Variants in GRIA1 observed in about 807,000 individuals in gnomAD.
GRIA1 encodes glutamate ionotropic receptor AMPA type subunit 1, also known as glutamate receptor 1.
Under a neutral mutation model 99.2 loss-of-function variants are expected in GRIA1, and 31 were observed. That is an observed-to-expected ratio of 0.31 (90% CI 0.23 to 0.42). The LOEUF is 0.42. Ranked by LOEUF, GRIA1 falls within the 10% of genes least tolerant of loss-of-function variation. GRIA1 has a pLI of 1.00. For synonymous variants in GRIA1, 438 were observed against 432.4 expected (o/e 1.01, Z -0.16); for missense variants, 782 against 1,157.5 (o/e 0.68, Z 4.71).
At chr5:153,705,633 G>A (rs1025926103) in intron 10 of GRIA1, 64 bp from the exon 11 acceptor site, 2 of 1,384,860 alleles carry the variant, frequency 1.4e-6, no homozygotes, top group East Asian at 5.3e-5. Context: ...AAAAACAAGA[G>A]AATGAAAAGG....
chr5:153,743,303 G>A (rs11741924), intron 11 of GRIA1, among the ~76,000 whole-genome samples: 60,543 of 151,874 alleles, frequency 0.4, 13,263 homozygotes, highest in East Asian at 0.94. Context: ...TAGTAGCTTC[G>A]ACAACACCCA....
chr5:153,562,676 C>A (rs1761236818), intron 2 of GRIA1, among the ~76,000 whole-genome samples: 1 of 152,122 alleles, frequency 6.6e-6, no homozygotes, highest in Non-Finnish European at 1.5e-5. Flanking sequence ...GCATATCCAA[C>A]AAGTGAATGA....
chr5:153,571,769 G>A (rs1762138491), intron 2 of GRIA1, among the ~76,000 whole-genome samples: 1 of 152,102 alleles, frequency 6.6e-6, no homozygotes. Context: ...AATGAGCATT[G>A]CTATATTTTG....
chr5:153,645,811 A>G (rs1024278141), intron 2 of GRIA1, among the ~76,000 whole-genome samples: 3 of 152,212 alleles, frequency 2.0e-5, no homozygotes. Flanking sequence ...CTTAAAAGAA[A>G]AAAATAATAA....
intron 15 of GRIA1, among the ~76,000 whole-genome samples, chr5:153,805,206 T>C (rs1423643572): frequency 6.6e-6 from 1 of 152,204 alleles, no homozygotes; most frequent in Non-Finnish European, 1.5e-5. Flanking sequence ...TGATAACTAG[T>C]ATTTCAAATA....
intron 13 of GRIA1, among the ~76,000 whole-genome samples, chr5:153,788,545 A>G (rs1220090481): frequency 6.6e-6 from 1 of 152,042 alleles, no homozygotes; most frequent in African/African-American, 2.4e-5. Context: ...TTATCACCCA[A>G]CCCTCTTCTC....
At chr5:153,491,680 G>T (rs971449519) in intron 1 of GRIA1, among the ~76,000 whole-genome samples, 2 of 151,942 alleles carry the variant, frequency 1.3e-5, no homozygotes, top group African/African-American at 4.8e-5. Flanking sequence ...CCTATCCACA[G>T]AGGTCTACCT....
intron 11 of GRIA1, among the ~76,000 whole-genome samples, chr5:153,726,625 A>G (rs1760553931): frequency 6.6e-6 from 1 of 152,240 alleles, no homozygotes; most frequent in Non-Finnish European, 1.5e-5. Context: ...ACGCAAATAA[A>G]CTAGAAAATC....
chr5:153,743,082 C>A (rs557313015), intron 11 of GRIA1, among the ~76,000 whole-genome samples: 2 of 147,286 alleles, frequency 1.4e-5, no homozygotes, highest in Non-Finnish European at 2.9e-5. Flanking sequence ...TCCCAAGCAG[C>A]CTGAAAGTGA....
intron 11 of GRIA1, among the ~76,000 whole-genome samples, chr5:153,726,208 A>C (rs577398090): frequency 4.0e-5 from 6 of 151,162 alleles, no homozygotes; most frequent in African/African-American, 1.2e-4. Flanking sequence ...CAAAGACACA[A>C]CATACCAGAA....
At chr5:153,526,919 C>T (rs1420585963) in intron 2 of GRIA1, among the ~76,000 whole-genome samples, 1 of 152,210 alleles carries the variant, frequency 6.6e-6, no homozygotes. Flanking sequence ...AATAGTAATA[C>T]TACCCCACAG....
intron 4 of GRIA1, among the ~76,000 whole-genome samples, chr5:153,654,123 G>A (rs1754767074): frequency 6.6e-6 from 1 of 152,182 alleles, no homozygotes; most frequent in South Asian, 2.1e-4. Flanking sequence ...AAGAGGGCAA[G>A]CACCATGCTT....
At chr5:153,536,193 A>G (rs1353044874) in intron 2 of GRIA1, among the ~76,000 whole-genome samples, 1 of 151,704 alleles carries the variant, frequency 6.6e-6, no homozygotes, top group Admixed American at 6.6e-5. Flanking sequence ...GATTTCCCTC[A>G]TTTCCCTCCT....
chr5:153,723,573 G>A (rs189530526), intron 11 of GRIA1, among the ~76,000 whole-genome samples: 78 of 152,274 alleles, frequency 5.1e-4, no homozygotes, highest in African/African-American at 1.7e-3. Context: ...CTTAAAAAAC[G>A]GCGCACCAGG....
At chr5:153,632,479 C>T (rs1753049494) in intron 2 of GRIA1, among the ~76,000 whole-genome samples, 1 of 152,210 alleles carries the variant, frequency 6.6e-6, no homozygotes. Flanking sequence ...GGCTGTGCTA[C>T]TCAGAGCAAG....
intron 2 of GRIA1, among the ~76,000 whole-genome samples, chr5:153,566,946 A>T (rs939401174): frequency 6.6e-6 from 1 of 151,718 alleles, no homozygotes; most frequent in Admixed American, 6.6e-5. Flanking sequence ...CAAACTCCTG[A>T]CCTCGGGTGA....
At chr5:153,722,479 G>A (rs1760144285) in intron 11 of GRIA1, among the ~76,000 whole-genome samples, 1 of 152,134 alleles carries the variant, frequency 6.6e-6, no homozygotes, top group Non-Finnish European at 1.5e-5. Context: ...GTGTTCTATA[G>A]GTATGTGTGA....
chr5:153,677,831 T>C (rs1190465215), intron 7 of GRIA1, among the ~76,000 whole-genome samples: 1 of 152,210 alleles, frequency 6.6e-6, no homozygotes, highest in Non-Finnish European at 1.5e-5. Context: ...TTAACATGCC[T>C]GGTTTAGAAG....
At chr5:153,739,411 A>C (rs894929642) in intron 11 of GRIA1, among the ~76,000 whole-genome samples, 3 of 152,182 alleles carry the variant, frequency 2.0e-5, no homozygotes. Flanking sequence ...GGAAAGTGTC[A>C]CTAGCACAAG....
Sources: allele counts gnomAD v4.1 joint callset (sites outside exome capture counted in the v4.1 genomes callset), GRCh38; gene constraint gnomAD v4.1.1; transcripts MANE v1.5; gene names NCBI Gene and HGNC (gene_info 2026-07-23, HGNC 2026-07-21).